The following NAV1 variants were observed in gnomAD, a reference collection of about 807,000 sequenced individuals.
NAV1 encodes neuron navigator 1.
NAV1 carries 18 observed loss-of-function variants against 175.2 expected under a neutral mutation model. The ratio of observed to expected loss-of-function variants is 0.10; its 90% CI spans 0.07 to 0.15. The LOEUF (loss-of-function observed/expected upper bound fraction) is 0.15. Among genes scored for constraint, NAV1 ranks in the 10% least tolerant of loss-of-function variants. The pLI is 1.00. For missense variants in NAV1, 1,731 were observed against 2,436.6 expected, an observed-to-expected ratio of 0.71 and a Z score of 6.10; for synonymous variants, 897 against 978.7, an observed-to-expected ratio of 0.92 and a Z score of 1.56.
intron 3 of NAV1, among the ~76,000 whole-genome samples, chr1:201,768,215 G>A (rs1675332506): frequency 6.6e-6 from 1 of 151,912 alleles, no homozygotes; most frequent in Non-Finnish European, 1.5e-5. Context: ...TGTAATCCCA[G>A]CTACTTGGGA....
At chr1:201,771,514 A>C (rs1038902227) in intron 3 of NAV1, among the ~76,000 whole-genome samples, 1 of 151,798 alleles carries the variant, frequency 6.6e-6, no homozygotes, top group Non-Finnish European at 1.5e-5. Flanking sequence ...AAAAAAAAAA[A>C]AAAAAAAACT....
At chr1:201,615,303 C>T (rs112304160) in intron 2 of NAV1, among the ~76,000 whole-genome samples, 8,197 of 148,528 alleles carry the variant, frequency 0.055, 255 homozygotes, top group Middle Eastern at 0.068. Context: ...CTCACTCTGT[C>T]ACCCAGGCTG....
At chr1:201,639,522 GC>G (rs746000698) in intron 2 of NAV1, among the ~76,000 whole-genome samples, 31 of 152,292 alleles carry the variant, frequency 2.0e-4, no homozygotes, top group Admixed American at 7.8e-4. Flanking sequence ...TAGCCTGGGG[GC>G]CGGGACACTT....
chr1:201,625,411 C>T (rs750831089), intron 1 of NAV1, among the ~76,000 whole-genome samples: 15 of 152,258 alleles, frequency 9.9e-5, no homozygotes, highest in Admixed American at 6.5e-4. Context: ...ACAAATTGAC[C>T]GGAAGGCAGT....
chr1:201,539,284 G>A lies in NAV1; in HGVS notation c.-202G>A, dbSNP rs1264975200. ...ACCCCGCACCCGCGCTGCCCTTGGG[G>A]ATGCGCGACTCTGCGCGGCTGCGGC... On this transcript the variant is annotated 5_prime_UTR_variant, in exon 1 of 34. Coordinates refer to the NAV1 transcript ENST00000685211. The surrounding 1 kb of genome is among the most constrained non-coding windows in gnomAD (Gnocchi z 5.6). Among the ~76,000 whole-genome samples, 1 of 152,024 alleles carries A rather than the reference G, an allele frequency of 6.6e-6. No individual in the cohort carries two copies.
chr1:201,562,874 A>C (rs1426001370), intron 1 of NAV1, among the ~76,000 whole-genome samples: 1 of 152,184 alleles, frequency 6.6e-6, no homozygotes, highest in African/African-American at 2.4e-5. Context: ...CCAATACCTC[A>C]GTCCAGATCC....
At position 201,718,761 on chromosome 1, in the gene NAV1, C is replaced by CACA; in HGVS notation, c.1226+6_1226+7insACA. The CACA allele has an allele frequency of 6.3e-7, 1 of 1,591,250 alleles. No individual in the cohort carries two copies. Among genetic ancestry groups the CACA allele is most frequent in the Non-Finnish European group, 8.6e-7 (1 of 1,162,928 alleles). On this transcript the variant is annotated splice_region_variant and intron_variant, in intron 3 of 29. Coordinates refer to ENST00000367296, the Ensembl canonical transcript of NAV1. The surrounding 1 kb of genome is among the most constrained non-coding windows in gnomAD (Gnocchi z 4.8). ...GATGATGACATCACTACCGGGTAAG[C>CACA]GCAGGGGCTTCTTGGATGGCGGGGG...
At chr1:201,756,953 A>G (rs925875277) in intron 3 of NAV1, among the ~76,000 whole-genome samples, 5 of 151,392 alleles carry the variant, frequency 3.3e-5, no homozygotes, top group African/African-American at 1.2e-4. Context: ...CTTAGCCCCA[A>G]AAGTTTCCTT....
intron 1 of NAV1, among the ~76,000 whole-genome samples, chr1:201,585,112 C>T (rs2102201506): frequency 6.6e-6 from 1 of 152,160 alleles, no homozygotes; most frequent in Non-Finnish European, 1.5e-5. Flanking sequence ...TCCCCAGTCT[C>T]CCAAGCTTTG....
At chr1:201,794,421 G>A (rs1677307730) in intron 14 of NAV1, 45 bp from the exon 19 acceptor site, 1 of 1,563,730 alleles carries the variant, frequency 6.4e-7, no homozygotes, top group Admixed American at 1.7e-5. Flanking sequence ...GATTATAGGT[G>A]TGAGCCACCG....
intron 2 of NAV1, among the ~76,000 whole-genome samples, chr1:201,617,161 G>A (rs1305706381): frequency 6.6e-6 from 1 of 152,046 alleles, no homozygotes; most frequent in Non-Finnish European, 1.5e-5. Flanking sequence ...AACAAAGAGA[G>A]CATGTTTGGA....
chr1:201,726,142 G>C (rs1426943057), intron 3 of NAV1, among the ~76,000 whole-genome samples: 2 of 152,204 alleles, frequency 1.3e-5, no homozygotes, highest in Admixed American at 6.5e-5. Flanking sequence ...TCTTTGTGGT[G>C]TAGGGAAGAA....
intron 2 of NAV1, among the ~76,000 whole-genome samples, chr1:201,604,271 G>T (rs926029515): frequency 4.6e-5 from 7 of 152,124 alleles, no homozygotes; most frequent in Admixed American, 1.3e-4. Context: ...GCCCAGGCTG[G>T]TCTCGAATTC....
intron 1 of NAV1, among the ~76,000 whole-genome samples, chr1:201,578,395 C>T (rs1666753577): frequency 6.6e-6 from 1 of 152,174 alleles, no homozygotes; most frequent in East Asian, 1.9e-4. Context: ...GTAGGAGTTC[C>T]AGCTCCCTGC....
At chr1:201,775,000 A>C (rs1675847759) in intron 3 of NAV1, among the ~76,000 whole-genome samples, 1 of 152,208 alleles carries the variant, frequency 6.6e-6, no homozygotes, top group Non-Finnish European at 1.5e-5. Flanking sequence ...CAGAATCCTC[A>C]AAAAGCTTCA....
chr1:201,740,211 A>T lies in NAV1; in HGVS notation c.1226+21456A>T. ...CAGGGGCAGTGGGTGTGGGGTCCGC[A>T]AGAAGGAGGGTCTTGGCCGCGCTCG... On this transcript the variant is annotated intron_variant, in intron 3 of 29. Coordinates refer to ENST00000367296, the Ensembl canonical transcript of NAV1. The surrounding 1 kb of genome is among the most constrained non-coding windows in gnomAD (Gnocchi z 4.7). 1.4e-6 allele frequency: 1 copy of T among 738,892 alleles called. No homozygotes were observed. Among genetic ancestry groups the T allele is most frequent in the East Asian group, 3.3e-5 (1 of 30,284 alleles). 45.8% of individuals were successfully genotyped at this position (738,892 alleles called of 1,614,324 possible).
chr1:201,618,969 A>G (rs1412658652), upstream of NAV1, among the ~76,000 whole-genome samples: 1 of 151,912 alleles, frequency 6.6e-6, no homozygotes. Flanking sequence ...GCCCTCCTCC[A>G]CCACCCAAAG....
intron 15 of NAV1, 78 bp downstream of exon 19, chr1:201,794,655 T>C (rs1450581832): frequency 1.6e-6 from 2 of 1,259,282 alleles, no homozygotes; most frequent in East Asian, 2.4e-5. Context: ...TCTGGGCCCA[T>C]AGTATTCCAA....
At chr1:201,619,005 C>T (rs919153465), upstream of NAV1, among the ~76,000 whole-genome samples, 3 of 152,096 alleles carry the variant, frequency 2.0e-5, no homozygotes, top group Admixed American at 6.5e-5. Flanking sequence ...CAGGCTCCCA[C>T]CTGGGGGCAA....
Sources: gnomAD v4.1 joint callset for allele counts (sites outside exome capture counted in the v4.1 genomes callset) on GRCh38, gnomAD v4.1.1 for gene constraint, Gnocchi (gnomAD v3.1) non-coding constraint, MANE v1.5 for transcripts, NCBI Gene and HGNC (gene_info 2026-07-23, HGNC 2026-07-21) for gene names.